The following TENM2 variants were observed in gnomAD, a reference collection of about 807,000 sequenced individuals.
The protein encoded by TENM2 is teneurin-2.
Under a neutral mutation model 245.2 loss-of-function variants are expected in TENM2, and 52 were observed. The ratio of observed to expected loss-of-function variants is 0.21; its 90% CI spans 0.17 to 0.27. The LOEUF (loss-of-function observed/expected upper bound fraction) is 0.27. TENM2 is among the 10% of genes least tolerant of loss of function. The pLI, the probability that TENM2 is intolerant of heterozygous loss-of-function variation, is 1.00. For synonymous variants in TENM2, 1,363 were observed against 1,438.9 expected (o/e 0.95, Z 1.19); for missense variants, 3,046 against 3,666.8 (o/e 0.83, Z 4.37).
the TENM2 span, among the ~76,000 whole-genome samples, chr5:167,199,683 T>C: frequency 2.0e-5 from 3 of 152,132 alleles, no homozygotes; most frequent in Non-Finnish European, 4.4e-5. Flanking sequence ...CTCCCCTTTT[T>C]GAAATAAGCT....
At chr5:167,691,607 C>T (rs1757433842) in intron 2 of TENM2, among the ~76,000 whole-genome samples, 1 of 152,182 alleles carries the variant, frequency 6.6e-6, no homozygotes, top group Admixed American at 6.5e-5. Flanking sequence ...TCAGCAATCA[C>T]CACCAGAAAA....
intron 2 of TENM2, among the ~76,000 whole-genome samples, chr5:167,448,560 A>G (rs927796437): frequency 6.7e-6 from 1 of 150,098 alleles, no homozygotes; most frequent in Non-Finnish European, 1.5e-5. Flanking sequence ...TAGGAAAACA[A>G]ATATGCTTAG....
intron 12 of TENM2, among the ~76,000 whole-genome samples, chr5:168,137,337 A>T (rs1025807607): frequency 6.6e-6 from 1 of 152,228 alleles, no homozygotes; most frequent in Non-Finnish European, 1.5e-5. Context: ...GCATGTCATT[A>T]TTTCAAAAAG....
the TENM2 span, among the ~76,000 whole-genome samples, chr5:167,005,233 T>C: frequency 2.6e-5 from 4 of 152,186 alleles, no homozygotes; most frequent in Non-Finnish European, 5.9e-5. Context: ...CAGAAAGATT[T>C]CTTGAAAGTT....
At chr5:167,631,368 A>G (rs1039818996) in intron 2 of TENM2, among the ~76,000 whole-genome samples, 2 of 152,220 alleles carry the variant, frequency 1.3e-5, no homozygotes, top group Non-Finnish European at 2.9e-5. Flanking sequence ...GGTGCCAGCC[A>G]TATAAAGACC....
intron 2 of TENM2, among the ~76,000 whole-genome samples, chr5:167,816,373 T>C (rs1767058000): frequency 6.6e-6 from 1 of 152,182 alleles, no homozygotes; most frequent in African/African-American, 2.4e-5. Context: ...AGACCTTACC[T>C]TTAACTTCAG....
intron 2 of TENM2, among the ~76,000 whole-genome samples, chr5:167,634,350 A>G (rs1481384366): frequency 6.6e-6 from 1 of 152,222 alleles, no homozygotes; most frequent in Non-Finnish European, 1.5e-5. Flanking sequence ...GAAGAGTTCT[A>G]GAAAGTTAGG....
intron 2 of TENM2, among the ~76,000 whole-genome samples, chr5:167,606,483 C>G (rs1777057554): frequency 6.6e-6 from 1 of 152,104 alleles, no homozygotes; most frequent in Non-Finnish European, 1.5e-5. Flanking sequence ...ATCAGGACCC[C>G]ACTATCATGA....
At chr5:167,080,967 C>G in the TENM2 span, among the ~76,000 whole-genome samples, 3 of 151,824 alleles carry the variant, frequency 2.0e-5, no homozygotes, top group Admixed American at 6.6e-5. Context: ...TTTTCCTATG[C>G]TATTTTTTTA....
chr5:167,701,698 C>G (rs1235377250), intron 2 of TENM2, among the ~76,000 whole-genome samples: 1 of 152,138 alleles, frequency 6.6e-6, no homozygotes, highest in African/African-American at 2.4e-5. Context: ...CAATGTTTGG[C>G]AAAGTGCCTG....
intron 2 of TENM2, among the ~76,000 whole-genome samples, chr5:167,702,621 CTG>C (rs1001136175): frequency 3.4e-5 from 5 of 147,368 alleles, no homozygotes; most frequent in East Asian, 2.0e-4. Context: ...CCAAGAACTG[CTG>C]TGTTTTTTTG....
At chr5:167,706,074 TAC>T (rs1255635312) in intron 2 of TENM2, among the ~76,000 whole-genome samples, 1 of 145,714 alleles carries the variant, frequency 6.9e-6, no homozygotes, top group African/African-American at 2.5e-5. Context: ...CCAATAGATA[TAC>T]AGTGTGTGTA....
intron 13 of TENM2, among the ~76,000 whole-genome samples, chr5:168,177,010 A>G (rs1759419334): frequency 1.3e-5 from 2 of 152,198 alleles, no homozygotes; most frequent in South Asian, 2.1e-4. Context: ...TTGACTTCGT[A>G]TGGGTTGGTG....
At chr5:167,487,275 G>A (rs1768131861) in intron 2 of TENM2, among the ~76,000 whole-genome samples, 1 of 152,150 alleles carries the variant, frequency 6.6e-6, no homozygotes, top group South Asian at 2.1e-4. Context: ...GAAATTATCT[G>A]TGGGAAGAGG....
chr5:167,223,803 A>G, the TENM2 span, among the ~76,000 whole-genome samples: 1 of 149,888 alleles, frequency 6.7e-6, no homozygotes, highest in Non-Finnish European at 1.5e-5. Context: ...TTACATTCTC[A>G]TCAATGGTGT....
intron 1 of TENM2, among the ~76,000 whole-genome samples, chr5:167,371,363 T>C (rs910110408): frequency 4.6e-5 from 7 of 150,764 alleles, no homozygotes; most frequent in Non-Finnish European, 8.9e-5. Flanking sequence ...CTTTTCTTTT[T>C]TTTTTTTTTG....
chr5:168,042,387 A>G (rs538771609), intron 5 of TENM2, among the ~76,000 whole-genome samples: 30 of 152,266 alleles, frequency 2.0e-4, no homozygotes, highest in African/African-American at 7.0e-4. Flanking sequence ...TTTGACAAGC[A>G]GGGGCTGAGC....
At chr5:167,566,623 C>T (rs904524985) in intron 2 of TENM2, among the ~76,000 whole-genome samples, 2 of 152,166 alleles carry the variant, frequency 1.3e-5, no homozygotes, top group African/African-American at 2.4e-5. Flanking sequence ...CTGATGAATA[C>T]GTTCAAGGCT....
intron 7 of TENM2, among the ~76,000 whole-genome samples, chr5:168,067,333 C>T (rs1406494348): frequency 1.3e-5 from 2 of 152,102 alleles, no homozygotes; most frequent in African/African-American, 4.8e-5. Flanking sequence ...AAATTATCCA[C>T]ACATTAAACT....
Sources: gnomAD v4.1 joint callset for allele counts (sites outside exome capture counted in the v4.1 genomes callset) on GRCh38, gnomAD v4.1.1 for gene constraint, MANE v1.5 for transcripts, NCBI Gene and HGNC (gene_info 2026-07-23, HGNC 2026-07-21) for gene names.